The following PPP2R3C variants were observed in gnomAD, a reference collection of about 807,000 sequenced individuals.
PPP2R3C encodes serine/threonine-protein phosphatase 2A regulatory subunit B'' subunit gamma.
In PPP2R3C, 47 loss-of-function variants were observed where a neutral mutation model predicts 63.7. The observed-to-expected ratio is 0.74, with a 90% CI of 0.58 to 0.94. PPP2R3C has a LOEUF of 0.94. Among genes scored for constraint, PPP2R3C ranks in the 40% least tolerant of loss-of-function variants. The probability of loss-of-function intolerance (pLI) is 0.00; values close to 1 mark genes in which losing one functional copy is unlikely to be tolerated. For synonymous variants in PPP2R3C, 180 were observed against 177.4 expected, an observed-to-expected ratio of 1.01 and a Z score of -0.12; for missense variants, 421 against 518.4, an observed-to-expected ratio of 0.81 and a Z score of 1.82.
chr14:35,095,561 CG>C, intron 9 of PPP2R3C, among the ~76,000 whole-genome samples: 1 of 151,776 alleles, frequency 6.6e-6, no homozygotes, highest in Non-Finnish European at 1.5e-5. Context: ...AAAAGGAGGT[CG>C]GGCGTGGTGG....
Position 35,116,724 on chromosome 14 carries a change from T to C in PPP2R3C, c.72A>G (p.Glu24=). 6.3e-7 allele frequency: 1 copy of C among 1,589,394 alleles called. No homozygotes were observed. Among genetic ancestry groups the C allele is most frequent in the Non-Finnish European group, 8.6e-7 (1 of 1,167,588 alleles). ...PNTCPNKKKS[E]QELKDEEMDL... The stretch of plus-strand genomic sequence containing the variant: ...CCATTTCTTCATCTTTTAATTCTTG[T>C]TCACTTTTTTTTTCTGGTAACAAAA... Residue 24 remains glutamate (E), a synonymous_variant, in exon 2 of 13, where the codon GAA becomes GAG. Coordinates refer to ENST00000261475, the MANE Select transcript of PPP2R3C (RefSeq NM_017917.4).
chr14:35,089,856 T>TG (rs5807811), intron 11 of PPP2R3C, among the ~76,000 whole-genome samples: 68,555 of 151,408 alleles, frequency 0.45, 16,509 homozygotes, highest in African/African-American at 0.62. Context: ...TTAGTAGAGA[T>TG]GGGTTTCACC....
chr14:35,094,848 G>A (rs990547650), intron 10 of PPP2R3C, among the ~76,000 whole-genome samples, 200 bp downstream of exon 10: 7 of 152,228 alleles, frequency 4.6e-5, no homozygotes, highest in East Asian at 3.9e-4. Context: ...CAGCTACTCC[G>A]GAGGCTGAGG....
intron 10 of PPP2R3C, among the ~76,000 whole-genome samples, chr14:35,093,809 A>G (rs8005079): frequency 0.18 from 27,267 of 151,870 alleles, 2,598 homozygotes; most frequent in Middle Eastern, 0.26. Context: ...CCGTCACCGC[A>G]CCCAGCTAAT....
intron 1 of PPP2R3C, among the ~76,000 whole-genome samples, chr14:35,121,220 T>C (rs1414721191): frequency 6.6e-6 from 1 of 151,906 alleles, no homozygotes; most frequent in Non-Finnish European, 1.5e-5. Flanking sequence ...CTACTAGAAA[T>C]ACAAAAATTA....
At chr14:35,099,959 C>G (rs1240074308) in intron 6 of PPP2R3C, 2 of 153,120 alleles carry the variant, frequency 1.3e-5, no homozygotes, top group African/African-American at 4.8e-5. Context: ...AGGATGGTCT[C>G]GATCTCTTGA....
intron 1 of PPP2R3C, among the ~76,000 whole-genome samples, chr14:35,120,933 G>A (rs2046862193): frequency 6.6e-6 from 1 of 151,874 alleles, no homozygotes; most frequent in Non-Finnish European, 1.5e-5. Flanking sequence ...GCAACACAGG[G>A]AGATCCTGTA....
chr14:35,108,010 T>G, intron 5 of PPP2R3C, 129 bp downstream of exon 5: 1 of 1,338,130 alleles, frequency 7.5e-7, no homozygotes, highest in Non-Finnish European at 9.8e-7. Context: ...CACATCTTGG[T>G]CAAAAGATAA....
chr14:35,101,599 C>CTGT (rs1473710678), intron 6 of PPP2R3C: 1 of 152,152 alleles, frequency 6.6e-6, no homozygotes, highest in Non-Finnish European at 1.5e-5. Context: ...AAAAATTACT[C>CTGT]AAACACTAAA....
At chr14:35,095,295 A>C in intron 9 of PPP2R3C, 111 bp from the exon 10 acceptor site, 1 of 1,091,376 alleles carries the variant, frequency 9.2e-7, no homozygotes. Context: ...CAAACTATTC[A>C]TGTTATGATT....
At chr14:35,104,203 G>A (rs1184594005) in intron 6 of PPP2R3C, among the ~76,000 whole-genome samples, 1 of 141,098 alleles carries the variant, frequency 7.1e-6, no homozygotes, top group Non-Finnish European at 1.6e-5. Context: ...GTACCAGCAG[G>A]TGGCTAATTA....
chr14:35,119,143 T>G (rs2046789245), intron 1 of PPP2R3C, among the ~76,000 whole-genome samples: 1 of 151,644 alleles, frequency 6.6e-6, no homozygotes, highest in African/African-American at 2.4e-5. Context: ...GTTCAAGCGA[T>G]TCTCCCGCTT....
At chr14:35,121,560 G>A (rs1302065509) in intron 1 of PPP2R3C, among the ~76,000 whole-genome samples, 2 of 152,150 alleles carry the variant, frequency 1.3e-5, no homozygotes, top group African/African-American at 4.8e-5. Context: ...TACGAGGGAA[G>A]CAAAAAGCGT....
chr14:35,093,345 C>CA (rs1285768512), intron 10 of PPP2R3C, among the ~76,000 whole-genome samples: 3 of 152,020 alleles, frequency 2.0e-5, no homozygotes, highest in African/African-American at 7.2e-5. Context: ...TTCCTTTCTG[C>CA]ATAAATAGCA....
At chr14:35,104,347 T>C (rs1258569937) in intron 6 of PPP2R3C, among the ~76,000 whole-genome samples, 1 of 152,166 alleles carries the variant, frequency 6.6e-6, no homozygotes, top group East Asian at 1.9e-4. Flanking sequence ...TCTACAGAAA[T>C]CTAGACAAAA....
At chr14:35,099,741 CTT>C (rs11393206) in intron 6 of PPP2R3C, 503 of 155,884 alleles carry the variant, frequency 3.2e-3, no homozygotes, top group South Asian at 9.0e-3. Context: ...TTCTTTCCCT[CTT>C]TTTTTTTTTT....
intron 10 of PPP2R3C, 112 bp from the exon 11 acceptor site, chr14:35,091,319 T>C (rs1451764809): frequency 9.5e-7 from 1 of 1,050,212 alleles, no homozygotes; most frequent in Non-Finnish European, 1.3e-6. Flanking sequence ...TTTAATTTTT[T>C]CCCTAAGTTA....
rs996208494 is a variant in PPP2R3C, at chr14:35,104,376, A to G, written c.573+2928T>C. The stretch of plus-strand genomic sequence containing the variant: ...GACAAAACAGAATGCAACAAATTAT[A>G]GCAGGAACCATACGAACTATAACAA... On this transcript the variant is annotated intron_variant, in intron 6 of 12. Transcript: ENST00000261475. Among the ~76,000 whole-genome samples the G allele has an allele frequency of 4.6e-5, 7 of 152,362 alleles. 1 individual carries two copies.
At chr14:35,093,475 A>T (rs1323852423) in intron 10 of PPP2R3C, among the ~76,000 whole-genome samples, 2 of 152,134 alleles carry the variant, frequency 1.3e-5, no homozygotes, top group African/African-American at 4.8e-5. Flanking sequence ...TATTGTTTAC[A>T]GCTGTGGGAG....
Sources: allele counts gnomAD v4.1 joint callset (sites outside exome capture counted in the v4.1 genomes callset), GRCh38; gene constraint gnomAD v4.1.1; transcripts MANE v1.5; gene names NCBI Gene and HGNC (gene_info 2026-07-23, HGNC 2026-07-21).